The following SGK1 variants were observed in gnomAD, a reference collection of about 807,000 sequenced individuals.
The protein encoded by SGK1 is serum/glucocorticoid regulated kinase 1, also known as serine/threonine-protein kinase Sgk1.
Under a neutral mutation model 64.2 loss-of-function variants are expected in SGK1, and 26 were observed. That is an observed-to-expected ratio of 0.40 (90% CI 0.30 to 0.56). The LOEUF (loss-of-function observed/expected upper bound fraction) is 0.56, where lower values mean the gene tolerates loss of function less well. SGK1 is among the 20% of genes least tolerant of loss of function. The pLI, the probability that SGK1 is intolerant of heterozygous loss-of-function variation, is 0.38. For synonymous variants in SGK1, 265 were observed against 239.7 expected (o/e 1.11, Z -0.98); for missense variants, 519 against 645.6 (o/e 0.80, Z 2.12).
chr6:134,273,026 G>A (rs760018393), intron 1 of SGK1, among the ~76,000 whole-genome samples: 1 of 148,204 alleles, frequency 6.7e-6, no homozygotes, highest in South Asian at 2.2e-4. Flanking sequence ...GCTGATACAT[G>A]AGACTGCGGT....
chr6:134,205,280 T>C (rs1582708997), intron 3 of SGK1, among the ~76,000 whole-genome samples: 3 of 152,320 alleles, frequency 2.0e-5, no homozygotes, highest in Middle Eastern at 3.4e-3. Flanking sequence ...TGTGGTGGTA[T>C]ACTGCTGATG....
At chr6:134,311,207 C>A (rs9399091) in intron 1 of SGK1, among the ~76,000 whole-genome samples, 40,057 of 151,944 alleles carry the variant, frequency 0.26, 6,291 homozygotes, top group East Asian at 0.52. Context: ...TAAAGGAAGA[C>A]GGAGGAGGAA....
At chr6:134,196,813 T>C (rs1158674661) in intron 3 of SGK1, among the ~76,000 whole-genome samples, 1 of 152,262 alleles carries the variant, frequency 6.6e-6, no homozygotes, top group Non-Finnish European at 1.5e-5. Flanking sequence ...TTCTGATGGA[T>C]TAAGTCTTCA....
intron 3 of SGK1, among the ~76,000 whole-genome samples, chr6:134,176,409 G>A (rs1315478771): frequency 6.6e-6 from 1 of 152,236 alleles, no homozygotes; most frequent in South Asian, 2.1e-4. Context: ...CGAGGCGGCG[G>A]CCCGGGCTCT....
chr6:134,267,294 T>C lies in SGK1; in HGVS notation c.70-5146A>G, dbSNP rs568844549. 2.0e-5 allele frequency among the ~76,000 whole-genome samples: 3 copies of C among 152,184 alleles called. No homozygotes were observed. In the East Asian group the frequency reaches 5.8e-4, roughly 29 times the overall value. ...ATATGTTCATAGTGACTTTTCTGTTTGTTTGGTTGGTTTTTTTTACAGAGA... is the reference window on the plus strand; with the variant it reads ...ATATGTTCATAGTGACTTTTCTGTTCGTTTGGTTGGTTTTTTTTACAGAGA... On this transcript the variant is annotated intron_variant, in intron 1 of 13. Transcript: ENST00000367858.
At chr6:134,302,201 T>C (rs1367699483) in intron 1 of SGK1, among the ~76,000 whole-genome samples, 1 of 152,256 alleles carries the variant, frequency 6.6e-6, no homozygotes, top group Admixed American at 6.5e-5. Flanking sequence ...AACTCATCAA[T>C]AACTAATTAT....
At chr6:134,297,490 G>T (rs915170067) in intron 1 of SGK1, 6 of 597,496 alleles carry the variant, frequency 1.0e-5, no homozygotes, top group Non-Finnish European at 1.6e-5. Flanking sequence ...CTGATGTTCC[G>T]GTTCATCTTG....
chr6:134,176,198 C>T (rs1281894969), intron 3 of SGK1, among the ~76,000 whole-genome samples: 1 of 152,154 alleles, frequency 6.6e-6, no homozygotes, highest in African/African-American at 2.4e-5. Context: ...CTCCCGCTGT[C>T]CCACCTGAAA....
At chr6:134,222,419 T>C (rs939312290) in intron 2 of SGK1, among the ~76,000 whole-genome samples, 3 of 151,234 alleles carry the variant, frequency 2.0e-5, no homozygotes, top group Non-Finnish European at 4.4e-5. Context: ...CACTGGAACC[T>C]CTGCCTCCCA....
Position 134,265,977 on chromosome 6 carries a change from C to T in SGK1, c.70-3829G>A, listed in dbSNP as rs76200271. 1.3e-4 allele frequency among the ~76,000 whole-genome samples: 20 copies of T among 151,074 alleles called. 1 individual carries two copies. The South Asian group carries it at 3.8e-3, about 28-fold the overall frequency. On this transcript the variant is annotated intron_variant, in intron 1 of 13. Transcript: ENST00000367858. ...TTTTAATTGCTTTATTTATTTATTT[C>T]TTTATTCATTTATTTATATTTATTA... is the stretch of plus-strand genomic sequence containing the variant.
intron 3 of SGK1, among the ~76,000 whole-genome samples, chr6:134,197,351 T>C (rs1775609069): frequency 6.6e-6 from 1 of 152,208 alleles, no homozygotes; most frequent in South Asian, 2.1e-4. Flanking sequence ...ACTACTTGTC[T>C]GTACATTTTT....
chr6:134,304,209 A>T (rs1049340872), intron 1 of SGK1, among the ~76,000 whole-genome samples: 2 of 152,256 alleles, frequency 1.3e-5, no homozygotes, highest in Non-Finnish European at 2.9e-5. Flanking sequence ...CCAACGTCAC[A>T]GGGAGCAGAA....
intron 3 of SGK1, chr6:134,175,896 G>T (rs1562240738): frequency 4.6e-6 from 5 of 1,085,118 alleles, no homozygotes; most frequent in East Asian, 6.2e-5. Context: ...AGGAAGGAAA[G>T]AAAGAGGGAA....
At chr6:134,250,872 CA>C (rs1200010838) in intron 2 of SGK1, among the ~76,000 whole-genome samples, 2 of 152,122 alleles carry the variant, frequency 1.3e-5, no homozygotes, top group Non-Finnish European at 2.9e-5. Flanking sequence ...CTCCTGGGCT[CA>C]AGCTGTCCTG....
chr6:134,219,068 G>A (rs755375624), intron 2 of SGK1, among the ~76,000 whole-genome samples: 8 of 151,918 alleles, frequency 5.3e-5, no homozygotes, highest in Middle Eastern at 3.2e-3. Flanking sequence ...CTGCAGCCTC[G>A]GTCTCCCAGG....
chr6:134,172,259 G>A lies in SGK1; in HGVS notation c.1005C>T (p.Asp335=), dbSNP rs1057293. Residue 335 remains aspartate (D), a synonymous_variant, in exon 10 of 14, where the codon GAC becomes GAT. Coordinates refer to ENST00000367858, the MANE Select transcript of SGK1 (RefSeq NM_001143676.3). ...CAATGTTCTCCTTGCAGAGTCCGAA[G>A]TCAGTAAGGACAATGTGTCCCTGTG... ...LDSQGHIVLT[D]FGLCKENIEH... is the part of the protein sequence containing the mutation. The A allele has an allele frequency of 0.11, 170,781 of 1,613,382 alleles. 9,780 individuals carry two copies. Among genetic ancestry groups the A allele is most frequent in the Admixed American group, 0.19 (11,250 of 59,922 alleles).
intron 2 of SGK1, among the ~76,000 whole-genome samples, chr6:134,219,088 T>C (rs1390226255): frequency 6.6e-6 from 1 of 152,126 alleles, no homozygotes; most frequent in Non-Finnish European, 1.5e-5. Context: ...GTTCAAGCAA[T>C]TCTTGTGCCT....
chr6:134,232,483 GAGAAAGAAAA>G lies in SGK1; in HGVS notation c.286-25062_286-25053del, dbSNP rs1562259858. ...AGAAAGAAAGAAAGAAAGAAAGAAA[GAGAAAGAAAA>G]AGAAAAGAAAGAAGAGGGAGGGAGG... On this transcript the variant is annotated intron_variant, in intron 2 of 13. Coordinates refer to ENST00000367858, the MANE Select transcript of SGK1 (RefSeq NM_001143676.3). Among the ~76,000 whole-genome samples, 950 of 119,414 alleles carry G rather than the reference GAGAAAGAAAA, an allele frequency of 8.0e-3. 38 individuals are homozygous for G. Among genetic ancestry groups the G allele is most frequent in the African/African-American group, 0.032 (897 of 28,462 alleles). The allele number at this position is 119,414 out of a possible 152,430, so 78.3% of individuals were successfully genotyped here. A position where few individuals can be genotyped will look rare whatever the true frequency, so the allele number is the denominator to read the frequency against.
intron 2 of SGK1, among the ~76,000 whole-genome samples, chr6:134,232,347 T>C (rs1395457598): frequency 1.3e-5 from 2 of 149,238 alleles, no homozygotes; most frequent in African/African-American, 5.0e-5. Context: ...ATCTCACCAC[T>C]GTACTCTAGC....
Sources: allele counts gnomAD v4.1 joint callset (sites outside exome capture counted in the v4.1 genomes callset), GRCh38; gene constraint gnomAD v4.1.1; transcripts MANE v1.5; gene names NCBI Gene and HGNC (gene_info 2026-07-23, HGNC 2026-07-21).